PPM1B: variants seen among roughly 807,000 people sequenced by gnomAD.
The protein encoded by PPM1B is protein phosphatase, Mg2+/Mn2+ dependent 1B.
A neutral mutation model predicts 43.0 loss-of-function variants in PPM1B; 22 were observed. The observed-to-expected ratio is 0.51, with a 90% confidence interval of 0.37 to 0.73. The LOEUF (loss-of-function observed/expected upper bound fraction) is 0.73, where lower values mean the gene tolerates loss of function less well. PPM1B is among the 30% of genes least tolerant of loss of function. PPM1B has a pLI of 0.00. For missense variants in PPM1B, 632 were observed against 584.2 expected (o/e 1.08, Z -0.84); for synonymous variants, 217 against 197.9 (o/e 1.10, Z -0.81).
At chr2:44,229,845 G>A in intron 5 of PPM1B, 2 of 765,980 alleles carry the variant, frequency 2.6e-6, no homozygotes, top group Non-Finnish European at 4.0e-6. Flanking sequence ...TTCATACTGA[G>A]AATACTTAAT....
chr2:44,184,756 A>G (rs1264951344), intron 1 of PPM1B, among the ~76,000 whole-genome samples: 2 of 152,066 alleles, frequency 1.3e-5, no homozygotes, highest in Non-Finnish European at 2.9e-5. Flanking sequence ...ATAGGGATCT[A>G]TCAGTAAAAT....
At chr2:44,178,708 G>A (rs1441371729) in intron 1 of PPM1B, among the ~76,000 whole-genome samples, 1 of 151,874 alleles carries the variant, frequency 6.6e-6, no homozygotes, top group Admixed American at 6.6e-5. Flanking sequence ...GACCTCAGGT[G>A]ATCCTCCCGC....
At chr2:44,222,740 G>A (rs1288240330) in intron 5 of PPM1B, among the ~76,000 whole-genome samples, 2 of 152,164 alleles carry the variant, frequency 1.3e-5, no homozygotes, top group Admixed American at 6.5e-5. Flanking sequence ...TTAAGGTAGA[G>A]ATTATGTATG....
intron 5 of PPM1B, among the ~76,000 whole-genome samples, chr2:44,227,164 G>A (rs925252914): frequency 1.8e-4 from 28 of 151,552 alleles, no homozygotes; most frequent in African/African-American, 5.8e-4. Context: ...TTGTAGAGAC[G>A]GGGTCTCCCC....
chr2:44,202,281 C>T (rs1668975856), intron 2 of PPM1B, among the ~76,000 whole-genome samples: 1 of 152,166 alleles, frequency 6.6e-6, no homozygotes. Flanking sequence ...TTAAGTACTT[C>T]ATAGCTTGTT....
Position 44,170,148 on chromosome 2 carries a change from C to T in PPM1B, c.-15+874C>T, listed in dbSNP as rs375448594. On this transcript the variant is annotated intron_variant, in intron 1 of 5. Coordinates refer to ENST00000282412, the MANE Select transcript of PPM1B (RefSeq NM_002706.6). ...ACCTCTCATATCAGATTTAGCAGAT[C>T]TGGGACGTTTGCCCATCTTATTCGG... 7.9e-5 allele frequency among the ~76,000 whole-genome samples: 12 copies of T among 152,294 alleles called. No homozygotes were observed. In the East Asian group the frequency reaches 9.6e-4, roughly 12 times the overall value.
chr2:44,228,348 AT>A (rs1670317922), intron 5 of PPM1B, among the ~76,000 whole-genome samples: 2 of 151,684 alleles, frequency 1.3e-5, no homozygotes, highest in African/African-American at 4.8e-5. Context: ...CCTTTTAAAC[AT>A]TTTTTGTAGA....
downstream of PPM1B, chr2:44,232,179 A>G (rs1670487280): frequency 1.5e-6 from 2 of 1,308,456 alleles, no homozygotes; most frequent in South Asian, 2.9e-5. Flanking sequence ...AATACACAAC[A>G]TCTCTCTGTA....
At chr2:44,233,815 C>T (rs1670536165), downstream of PPM1B, 1 of 985,418 alleles carries the variant, frequency 1.0e-6, no homozygotes, top group African/African-American at 1.7e-5. Flanking sequence ...TTTATTTATT[C>T]TTTAGATTTT....
At chr2:44,203,673 T>C (rs1412665238) in intron 2 of PPM1B, among the ~76,000 whole-genome samples, 3 of 152,172 alleles carry the variant, frequency 2.0e-5, no homozygotes, top group Non-Finnish European at 4.4e-5. Flanking sequence ...TTCTACAGCC[T>C]GCCTTTTCCA....
At chr2:44,218,956 C>T (rs1669850873) in intron 5 of PPM1B, 2 of 430,958 alleles carry the variant, frequency 4.6e-6, no homozygotes, top group African/African-American at 2.1e-5. Flanking sequence ...CCTTTCAGTA[C>T]CCCTGTATGC....
chr2:44,221,728 T>C (rs1250472561), intron 5 of PPM1B, among the ~76,000 whole-genome samples: 1 of 152,180 alleles, frequency 6.6e-6, no homozygotes, highest in Admixed American at 6.5e-5. Context: ...TTATAAGTAG[T>C]ACCACTAGAA....
chr2:44,176,513 T>C (rs1314400634), intron 1 of PPM1B, among the ~76,000 whole-genome samples: 1 of 152,218 alleles, frequency 6.6e-6, no homozygotes, highest in Admixed American at 6.5e-5. Flanking sequence ...AGCTTTGTTG[T>C]ATTACTTAAC....
intron 2 of PPM1B, among the ~76,000 whole-genome samples, chr2:44,205,895 C>A (rs1404865331): frequency 6.6e-6 from 1 of 152,072 alleles, no homozygotes; most frequent in Non-Finnish European, 1.5e-5. Context: ...AATGTAACCC[C>A]CTCAATAATT....
chr2:44,215,641 TTAAAA>T (rs1435281296), intron 3 of PPM1B, among the ~76,000 whole-genome samples: 2 of 152,160 alleles, frequency 1.3e-5, no homozygotes, highest in African/African-American at 2.4e-5. Flanking sequence ...AGGAATAATA[TTAAAA>T]TAAACAGGGA....
intron 1 of PPM1B, among the ~76,000 whole-genome samples, chr2:44,193,784 G>A (rs1490912553): frequency 6.6e-6 from 1 of 151,992 alleles, no homozygotes; most frequent in Non-Finnish European, 1.5e-5. Flanking sequence ...TTACCGTGTT[G>A]GCCAGGCTGG....
At chr2:44,175,035 G>A (rs928481440) in intron 1 of PPM1B, among the ~76,000 whole-genome samples, 1 of 152,078 alleles carries the variant, frequency 6.6e-6, no homozygotes, top group Non-Finnish European at 1.5e-5. Flanking sequence ...TGGGCGGATT[G>A]TCTGAGCTCA....
At chr2:44,236,440 T>TTCATATA (rs1419340621), downstream of PPM1B, among the ~76,000 whole-genome samples, 1 of 104,850 alleles carries the variant, frequency 9.5e-6, no homozygotes, top group Non-Finnish European at 2.2e-5. Context: ...TGTAATGAAC[T>TTCATATA]GGTCTTCCTA....
chr2:44,240,234 C>T (rs532779551), intron 5 of PPM1B, among the ~76,000 whole-genome samples: 1 of 146,142 alleles, frequency 6.8e-6, no homozygotes, highest in African/African-American at 2.4e-5. Context: ...AAAGAGCTTG[C>T]ATCCATTTGG....
Sources: allele counts gnomAD v4.1 joint callset (sites outside exome capture counted in the v4.1 genomes callset), GRCh38; gene constraint gnomAD v4.1.1; transcripts MANE v1.5; gene names NCBI Gene and HGNC (gene_info 2026-07-23, HGNC 2026-07-21).